CCDC6: variants seen among roughly 807,000 people sequenced by gnomAD.
CCDC6 encodes the protein coiled-coil domain-containing protein 6.
Under a neutral mutation model 56.6 loss-of-function variants are expected in CCDC6, and 20 were observed. The observed-to-expected ratio is 0.35, with a 90% CI of 0.25 to 0.51. CCDC6 has a LOEUF of 0.51. Among genes scored for constraint, CCDC6 ranks in the 20% least tolerant of loss-of-function variants. The pLI, the probability that CCDC6 is intolerant of heterozygous loss-of-function variation, is 0.95. For missense variants in CCDC6, 367 were observed against 601.1 expected (o/e 0.61, Z 4.07); for synonymous variants, 241 against 234.4 (o/e 1.03, Z -0.26).
chr10:59,836,281 A>G (rs376208336), intron 2 of CCDC6, among the ~76,000 whole-genome samples: 3 of 152,274 alleles, frequency 2.0e-5, no homozygotes, highest in African/African-American at 7.2e-5. Flanking sequence ...CGTGGCTCCA[A>G]TAGGGTTTGA....
chr10:59,834,776 C>T (rs1407525179), intron 2 of CCDC6, among the ~76,000 whole-genome samples: 1 of 152,132 alleles, frequency 6.6e-6, no homozygotes, highest in Admixed American at 6.6e-5. Context: ...CTTTAAAACT[C>T]AGGTTCTGCA....
chr10:59,893,516 G>A (rs1232499818), intron 1 of CCDC6, among the ~76,000 whole-genome samples: 1 of 152,146 alleles, frequency 6.6e-6, no homozygotes, highest in African/African-American at 2.4e-5. Flanking sequence ...GAGGTGGGAA[G>A]ATCGCTTTGA....
intron 1 of CCDC6, among the ~76,000 whole-genome samples, chr10:59,904,383 C>G (rs1247279557): frequency 6.6e-6 from 1 of 152,212 alleles, no homozygotes; most frequent in Non-Finnish European, 1.5e-5. Flanking sequence ...TTCATAGTCT[C>G]TGCATCCCTC....
intron 3 of CCDC6, among the ~76,000 whole-genome samples, chr10:59,825,686 G>A (rs2132639776): frequency 6.6e-6 from 1 of 152,288 alleles, no homozygotes; most frequent in African/African-American, 2.4e-5. Context: ...ATGGGAACTG[G>A]CTATGATGTC....
chr10:59,906,298 C>A lies in CCDC6; in HGVS notation c.127G>T (p.Gly43Cys), dbSNP rs774934709. ...GGGGGGGGGG[G>C]GKSGGIVISP... Reference sequence around the variant, plus strand: ...ATGACAATGCCCCCCGACTTCCCACCGCCGCCGCCTCCCCCGCCGCCACCG... The same window carrying A: ...ATGACAATGCCCCCCGACTTCCCACAGCCGCCGCCTCCCCCGCCGCCACCG... The change falls in exon 1 of 9, where the codon GGT (glycine) becomes TGT (cysteine). Residue 43 changes from glycine to cysteine, a missense_variant. By Grantham distance (159) the Gly-to-Cys change is radical. Around this residue, in one of 7 missense-constraint regions of CCDC6, gnomAD observed 79 missense variants for 74.9 expected, o/e 1.05. Coordinates refer to ENST00000263102, the MANE Select transcript of CCDC6 (RefSeq NM_005436.5). 1 of 1,603,782 alleles carries A rather than the reference C, an allele frequency of 6.2e-7. No individual in the cohort carries two copies. The highest frequency in any genetic ancestry group is 1.3e-5 in the African/African-American group (1 of 74,834).
At chr10:59,802,289 A>G (rs550858959) in intron 7 of CCDC6, among the ~76,000 whole-genome samples, 6 of 152,376 alleles carry the variant, frequency 3.9e-5, no homozygotes, top group African/African-American at 9.6e-5. Flanking sequence ...TAGTGAAAAC[A>G]CAAGATTTCC....
chr10:59,866,393 C>T (rs773807040), intron 1 of CCDC6, among the ~76,000 whole-genome samples: 1 of 152,202 alleles, frequency 6.6e-6, no homozygotes, highest in African/African-American at 2.4e-5. Context: ...CAAGAGACTA[C>T]TCAAGGCCTA....
chr10:59,872,870 T>A (rs1684901), intron 1 of CCDC6, among the ~76,000 whole-genome samples: 65,800 of 151,474 alleles, frequency 0.43, 15,448 homozygotes, highest in East Asian at 0.7. Context: ...TAAGCTGTCA[T>A]TAGGAATTAA....
intron 1 of CCDC6, among the ~76,000 whole-genome samples, chr10:59,896,097 C>T (rs1171549734): frequency 6.6e-6 from 1 of 152,172 alleles, no homozygotes; most frequent in African/African-American, 2.4e-5. Flanking sequence ...CTGGACTCTG[C>T]CCTATATGCT....
Position 59,882,430 on chromosome 10 carries a change from G to GAAAGGAAAGCCGGC in CCDC6, c.303+23691_303+23692insGCCGGCTTTCCTTT, listed in dbSNP as rs2071347977. ...AGGGGGAGAAGGAAAGGAAAGCCAG[G>GAAAGGAAAGCCGGC]GGGAGAAGGAAAGGAAAGCCGGCGG... is the stretch of plus-strand genomic sequence containing the variant. On this transcript the variant is annotated intron_variant, in intron 1 of 8. Transcript: ENST00000263102. 7.7e-4 allele frequency among the ~76,000 whole-genome samples: 12 copies of GAAAGGAAAGCCGGC among 15,672 alleles called. 2 individuals carry two copies. Among genetic ancestry groups the GAAAGGAAAGCCGGC allele is most frequent in the Non-Finnish European group, 1.6e-3 (9 of 5,790 alleles). 10.3% of individuals were successfully genotyped at this position (15,672 alleles called of 152,430 possible).
chr10:59,853,302 G>A lies in CCDC6; in HGVS notation c.304-600C>T, dbSNP rs972169410. Among the ~76,000 whole-genome samples the A allele has an allele frequency of 3.1e-4, 47 of 152,202 alleles. 1 individual carries two copies. Among genetic ancestry groups the A allele is most frequent in the Non-Finnish European group, 4.4e-4 (30 of 68,044 alleles). The stretch of plus-strand genomic sequence containing the variant: ...AATCCTAGCACTCTGGGAGGCAGAG[G>A]TGGGTGGATCACTTTGATCTCAAGA... On this transcript the variant is annotated intron_variant, in intron 1 of 8. Transcript: ENST00000263102.
At chr10:59,818,484 T>C (rs1007594946) in intron 3 of CCDC6, among the ~76,000 whole-genome samples, 2 of 106,280 alleles carry the variant, frequency 1.9e-5, no homozygotes, top group South Asian at 7.7e-4. Flanking sequence ...GTCCTTTTAT[T>C]ATAATGTTGA....
At chr10:59,845,249 T>C (rs1389685358) in intron 2 of CCDC6, among the ~76,000 whole-genome samples, 1 of 152,046 alleles carries the variant, frequency 6.6e-6, no homozygotes, top group African/African-American at 2.4e-5. Context: ...TTTCTTTTCT[T>C]CTACCTTTGT....
intron 1 of CCDC6, among the ~76,000 whole-genome samples, chr10:59,884,908 A>G (rs2071370862): frequency 6.6e-6 from 1 of 152,090 alleles, no homozygotes; most frequent in Non-Finnish European, 1.5e-5. Flanking sequence ...TACTAAAAAT[A>G]CAAAAATTAG....
intron 1 of CCDC6, among the ~76,000 whole-genome samples, chr10:59,905,291 G>A (rs1411577540): frequency 1.3e-5 from 2 of 152,090 alleles, no homozygotes; most frequent in African/African-American, 4.8e-5. Flanking sequence ...CAGCCTCCAG[G>A]GGACAGGTAG....
chr10:59,870,102 G>C (rs1316530416), intron 1 of CCDC6, among the ~76,000 whole-genome samples: 1 of 152,130 alleles, frequency 6.6e-6, no homozygotes, highest in Non-Finnish European at 1.5e-5. Flanking sequence ...TCTTTTTACT[G>C]TTTGTCACCC....
At chr10:59,811,417 T>C (rs531382634) in intron 5 of CCDC6, among the ~76,000 whole-genome samples, 6 of 152,286 alleles carry the variant, frequency 3.9e-5, no homozygotes, top group East Asian at 3.9e-4. Context: ...AACACGTGTA[T>C]AGAGATGTTC....
chr10:59,843,998 A>C (rs1034138176), intron 2 of CCDC6, among the ~76,000 whole-genome samples: 5 of 152,160 alleles, frequency 3.3e-5, no homozygotes, highest in African/African-American at 1.2e-4. Context: ...GTGCCCTCTG[A>C]ATAAAAGCAG....
chr10:59,813,339 A>G (rs752463318), intron 4 of CCDC6, among the ~76,000 whole-genome samples: 6 of 152,216 alleles, frequency 3.9e-5, no homozygotes, highest in Non-Finnish European at 7.3e-5. Context: ...GCAAAGGTAA[A>G]AAGTTAAAAA....
Sources: gnomAD v4.1 joint callset for allele counts (sites outside exome capture counted in the v4.1 genomes callset) on GRCh38, gnomAD v4.1.1 for gene constraint, gnomAD v4.1.1 regional missense constraint, MANE v1.5 for transcripts, NCBI Gene and HGNC (gene_info 2026-07-23, HGNC 2026-07-21) for gene names.